SKIC8: variants seen among roughly 807,000 people sequenced by gnomAD.
The protein encoded by SKIC8 is superkiller complex protein 8.
the SKIC8 span, chr15:78,292,261 C>T: frequency 3.8e-6 from 1 of 263,128 alleles, no homozygotes; most frequent in Non-Finnish European, 7.5e-6. Context: ...CAGGTCAACG[C>T]CAAACCAGCA....
the SKIC8 span, chr15:78,295,842 C>G: frequency 1.2e-6 from 1 of 809,658 alleles, no homozygotes; most frequent in South Asian, 2.1e-5. Flanking sequence ...TGTTCTGACA[C>G]CCTTCTATGG....
At chr15:78,292,643 G>T in the SKIC8 span, 1 of 1,614,184 alleles carries the variant, frequency 6.2e-7, no homozygotes, top group Non-Finnish European at 8.5e-7. Flanking sequence ...GACTTTATCT[G>T]TTTGCCATTT....
the SKIC8 span, chr15:78,286,471 G>A: frequency 1.4e-5 from 3 of 214,234 alleles, no homozygotes; most frequent in Non-Finnish European, 2.8e-5. Flanking sequence ...GAGAACCAAC[G>A]GGGCAAGGAA....
At chr15:78,295,388 CTCCTATTCTGATCT>C in the SKIC8 span, 4 of 624,780 alleles carry the variant, frequency 6.4e-6, no homozygotes, top group Non-Finnish European at 1.1e-5. Context: ...CCTGTTCTAT[CTCCTATTCTGATCT>C]TTTTTTTTTT....
the SKIC8 span, chr15:78,292,358 A>C: frequency 5.5e-6 from 2 of 366,602 alleles, no homozygotes; most frequent in African/African-American, 4.2e-5. Context: ...ATCTAACCTG[A>C]ATTGACATAA....
the SKIC8 span, among the ~76,000 whole-genome samples, chr15:78,298,907 C>A: frequency 6.6e-6 from 1 of 152,154 alleles, no homozygotes; most frequent in East Asian, 1.9e-4. Context: ...TGGATACAAG[C>A]TATAGTATAG....
At chr15:78,295,244 C>T in the SKIC8 span, 1 of 557,398 alleles carries the variant, frequency 1.8e-6, no homozygotes, top group South Asian at 2.2e-5. Flanking sequence ...ATTATGTTTT[C>T]TTTTTCTGTT....
chr15:78,292,873 CA>C, the SKIC8 span: 1 of 1,449,638 alleles, frequency 6.9e-7, no homozygotes, highest in East Asian at 2.3e-5. Context: ...TGTGACTATG[CA>C]ATACCAATGG....
At chr15:78,298,948 G>A in the SKIC8 span, among the ~76,000 whole-genome samples, 1 of 152,058 alleles carries the variant, frequency 6.6e-6, no homozygotes. Flanking sequence ...CTTACTTCAG[G>A]GTCTTATGAA....
the SKIC8 span, chr15:78,294,911 CACAGATGAATTGCTTAAACAGGCAGGCT>C: frequency 1.9e-6 from 3 of 1,613,414 alleles, no homozygotes; most frequent in Non-Finnish European, 2.5e-6. Context: ...CAGTTTTTTT[CACAGATGAATTGCTTAAACAGGCAGGCT>C]ACTTACCTTG....
At chr15:78,298,179 A>C in the SKIC8 span, among the ~76,000 whole-genome samples, 1,218 of 152,318 alleles carry the variant, frequency 8.0e-3, 9 homozygotes, top group Non-Finnish European at 0.012. Flanking sequence ...CTGCTGAAGC[A>C]CAGGCTTGTC....
chr15:78,295,543 A>T, the SKIC8 span: 3 of 1,198,318 alleles, frequency 2.5e-6, no homozygotes, highest in African/African-American at 1.5e-5. Flanking sequence ...CTAGGTACCC[A>T]GGGTCACCCA....
the SKIC8 span, chr15:78,285,462 G>T: frequency 1.3e-6 from 1 of 783,498 alleles, no homozygotes; most frequent in Non-Finnish European, 2.2e-6. Flanking sequence ...TACAGGAAAT[G>T]GCCAGGTATC....
the SKIC8 span, among the ~76,000 whole-genome samples, chr15:78,291,379 T>C: frequency 4.0e-3 from 608 of 152,308 alleles, 4 homozygotes; most frequent in African/African-American, 0.014. Flanking sequence ...GGAGTCTTAA[T>C]AGACTTTGCA....
the SKIC8 span, chr15:78,290,859 G>C: frequency 6.6e-6 from 1 of 151,324 alleles, no homozygotes; most frequent in Admixed American, 6.6e-5. Flanking sequence ...ACCTAGGCTG[G>C]AGTACGGTGG....
chr15:78,295,235 TTA>T, the SKIC8 span: 1 of 561,582 alleles, frequency 1.8e-6, no homozygotes, highest in East Asian at 3.0e-5. Flanking sequence ...GACCAATAAA[TTA>T]TGTTTTCTTT....
chr15:78,289,978 T>C, the SKIC8 span: 1 of 1,613,892 alleles, frequency 6.2e-7, no homozygotes, highest in Non-Finnish European at 8.5e-7. Flanking sequence ...TGAATTTTCC[T>C]CTCGTGTCCA....
the SKIC8 span, among the ~76,000 whole-genome samples, chr15:78,293,770 T>C: frequency 6.6e-6 from 1 of 152,222 alleles, no homozygotes; most frequent in Non-Finnish European, 1.5e-5. Context: ...TTTATTATGG[T>C]TAATGGGCCA....
At chr15:78,290,144 G>A in the SKIC8 span, 6 of 1,558,266 alleles carry the variant, frequency 3.9e-6, no homozygotes, top group Non-Finnish European at 5.2e-6. Context: ...GAAAAGACTT[G>A]GCCTTAATTT....
Sources: gnomAD v4.1 joint callset for allele counts (sites outside exome capture counted in the v4.1 genomes callset) on GRCh38, gnomAD v4.1.1 for gene constraint, MANE v1.5 for transcripts, NCBI Gene and HGNC (gene_info 2026-07-23, HGNC 2026-07-21) for gene names.